Variants in GCM1 observed in about 807,000 individuals in gnomAD.
GCM1 encodes chorion-specific transcription factor GCMa.
Under a neutral mutation model 25.7 loss-of-function variants are expected in GCM1, and 2 were observed. The observed-to-expected ratio is 0.08, with a 90% CI of 0.03 to 0.24. The LOEUF is 0.24. Ranked by LOEUF, GCM1 falls within the 10% of genes least tolerant of loss-of-function variation. The pLI is 1.00. For missense variants in GCM1, 395 were observed against 538.7 expected (o/e 0.73, Z 2.64); for synonymous variants, 183 against 195.7 (o/e 0.94, Z 0.54).
chr6:53,139,431 G>T (rs555440486), intron 2 of GCM1, among the ~76,000 whole-genome samples: 5 of 145,712 alleles, frequency 3.4e-5, no homozygotes, highest in African/African-American at 1.3e-4. Flanking sequence ...GTAGGCTAAG[G>T]CAGAAGGTTG....
At chr6:53,137,220 G>C (rs531330885) in intron 2 of GCM1, among the ~76,000 whole-genome samples, 1 of 152,274 alleles carries the variant, frequency 6.6e-6, no homozygotes, top group African/African-American at 2.4e-5. Flanking sequence ...AGGCCAGGAT[G>C]CTGGTTGGAC....
In GCM1 at chr6:53,141,303, T is replaced by C. The variant is rs1302337743; in HGVS notation, c.75+4255A>G. Reference sequence around the variant, plus strand: ...ACATCACTGCTCACTGTTGTCAAAATTAACCCATAAACCTTGATGTATCTG... The same window carrying C: ...ACATCACTGCTCACTGTTGTCAAAACTAACCCATAAACCTTGATGTATCTG... On this transcript the variant is annotated intron_variant, in intron 2 of 5. Transcript: ENST00000259803. Among the ~76,000 whole-genome samples, 3 of 152,228 alleles carry C rather than the reference T, an allele frequency of 2.0e-5. No individual in the cohort carries two copies. The East Asian group carries it at 5.8e-4, about 29-fold the overall frequency.
chr6:53,131,027 C>T (rs534513937), intron 4 of GCM1, 96 bp from the exon 5 acceptor site: 6 of 1,185,900 alleles, frequency 5.1e-6, no homozygotes, highest in East Asian at 2.4e-5. Context: ...TGTCCTGCCC[C>T]GGGGGTGGTG....
At chr6:53,142,328 G>A (rs1763887722) in intron 2 of GCM1, among the ~76,000 whole-genome samples, 1 of 152,098 alleles carries the variant, frequency 6.6e-6, no homozygotes, top group Non-Finnish European at 1.5e-5. Context: ...CCCCTGAAGG[G>A]CTTCAGGAAA....
intron 2 of GCM1, among the ~76,000 whole-genome samples, chr6:53,138,107 C>A (rs1763824400): frequency 1.3e-5 from 2 of 151,896 alleles, no homozygotes; most frequent in African/African-American, 2.4e-5. Flanking sequence ...CATGGCGAAA[C>A]CCCATCTCTA....
intron 5 of GCM1, among the ~76,000 whole-genome samples, chr6:53,129,710 C>T (rs1763698055): frequency 6.6e-6 from 1 of 152,204 alleles, no homozygotes; most frequent in African/African-American, 2.4e-5. Flanking sequence ...TATTCTATTT[C>T]TTAGTGCTGG....
At chr6:53,148,605 C>A (rs186809892) in intron 1 of GCM1, 149 bp downstream of exon 1, 1 of 152,228 alleles carries the variant, frequency 6.6e-6, no homozygotes, top group African/African-American at 2.4e-5. Flanking sequence ...GTCAAGACTC[C>A]TTTTTTTAAA....
intron 2 of GCM1, among the ~76,000 whole-genome samples, chr6:53,141,553 G>T (rs960135108): frequency 2.0e-5 from 3 of 152,124 alleles, no homozygotes; most frequent in Admixed American, 1.3e-4. Flanking sequence ...CGGACACGGT[G>T]GCAGGTGCAA....
Position 53,134,338 on chromosome 6 carries a change from A to G in GCM1, c.76-14T>C, listed in dbSNP as rs2127508764. 1 of 1,612,086 alleles carries G rather than the reference A, an allele frequency of 6.2e-7. No homozygotes were observed. Among genetic ancestry groups the G allele is most frequent in the South Asian group, 1.1e-5 (1 of 91,058 alleles). ...TTTTTTCACGTTCTGATAGAAACAC[A>G]AAAGATACGACTATACTTTAAGCTA... On this transcript the variant is annotated splice_polypyrimidine_tract_variant and intron_variant, in intron 2 of 5. Coordinates refer to ENST00000259803, the MANE Select transcript of GCM1 (RefSeq NM_003643.4).
intron 5 of GCM1, 46 bp from the exon 6 acceptor site, chr6:53,128,992 A>C (rs1763688511): frequency 6.5e-7 from 1 of 1,529,774 alleles, no homozygotes; most frequent in Non-Finnish European, 8.9e-7. Context: ...TAAGCAAATC[A>C]AAACCACTGC....
In GCM1 at chr6:53,128,502, G is replaced by T. The variant is rs757083741; in HGVS notation, c.1015C>A (p.Gln339Lys). Residue 339 changes from glutamine to lysine, a missense_variant, in exon 6 of 6, where the codon CAG becomes AAG. Gln to Lys is a moderately conservative substitution (Grantham distance 53). Transcript: ENST00000259803. The stretch of plus-strand genomic sequence containing the variant: ...GCAGGTGGCTCCAATGGAAGCTGCT[G>T]GTAAAAGGGTTCTGAAGAGTTTTGG... The part of the protein sequence containing the change: ...PSQNSSEPFY[Q>K]QLPLEPPAAK... The T allele has an allele frequency of 1.2e-6, 2 of 1,613,918 alleles. No individual in the cohort carries two copies. The highest frequency in any genetic ancestry group is 1.7e-6 in the Non-Finnish European group (2 of 1,179,932).
intron 1 of GCM1, among the ~76,000 whole-genome samples, chr6:53,147,921 T>C: frequency 6.6e-6 from 1 of 152,140 alleles, no homozygotes; most frequent in Non-Finnish European, 1.5e-5. Context: ...TCCCTGAAAG[T>C]ATAGTCTTTA....
At position 53,128,379 on chromosome 6, in the gene GCM1, C is replaced by T; in HGVS notation, c.1138G>A (p.Ala380Thr). 1 of 1,613,694 alleles carries T rather than the reference C, an allele frequency of 6.2e-7. No homozygotes were observed. Among genetic ancestry groups the T allele is most frequent in the Non-Finnish European group, 8.5e-7 (1 of 1,179,640 alleles). The change falls in exon 6 of 6, where the codon GCA (alanine) becomes ACA (threonine). Residue 380 changes from alanine (A) to threonine (T), a missense_variant. By Grantham distance (58) the Ala-to-Thr change is moderately conservative (BLOSUM62 0). Around this residue, in one of 5 missense-constraint regions of GCM1, gnomAD observed 291 missense variants for 314.6 expected, o/e 0.92. Coordinates refer to ENST00000259803, the MANE Select transcript of GCM1 (RefSeq NM_003643.4). Reference sequence around the variant, plus strand: ...GGGTCTTCTTGAGGTGAATGGTATGCAGGAGACTGGACGTAGCTGTTAAAA... The same window carrying T: ...GGGTCTTCTTGAGGTGAATGGTATGTAGGAGACTGGACGTAGCTGTTAAAA... ...VDFNSYVQSP[A>T]YHSPQEDPFL...
At chr6:53,135,880 G>A (rs1763791229) in intron 2 of GCM1, among the ~76,000 whole-genome samples, 1 of 152,244 alleles carries the variant, frequency 6.6e-6, no homozygotes, top group Non-Finnish European at 1.5e-5. Flanking sequence ...TTCAAATTTA[G>A]AACGTGCCAA....
chr6:53,147,939 A>C, intron 1 of GCM1, among the ~76,000 whole-genome samples: 1 of 152,208 alleles, frequency 6.6e-6, no homozygotes, highest in East Asian at 1.9e-4. Context: ...TTATAAATAA[A>C]GTTCTTGACC....
chr6:53,146,380 C>T (rs992475670), intron 1 of GCM1, among the ~76,000 whole-genome samples: 1 of 151,834 alleles, frequency 6.6e-6, no homozygotes, highest in Non-Finnish European at 1.5e-5. Flanking sequence ...CCACCACGCA[C>T]AGCTGATTTT....
chr6:53,146,842 G>A (rs1763964404), intron 1 of GCM1, among the ~76,000 whole-genome samples: 1 of 152,124 alleles, frequency 6.6e-6, no homozygotes. Context: ...AGACCAGCCT[G>A]AGAAACATGC....
At chr6:53,134,486 G>A (rs755846411) in intron 2 of GCM1, among the ~76,000 whole-genome samples, 162 bp from the exon 3 acceptor site, 3 of 152,154 alleles carry the variant, frequency 2.0e-5, no homozygotes, top group Non-Finnish European at 2.9e-5. Flanking sequence ...TGGGATCAGC[G>A]AGCCCAGCAC....
chr6:53,139,183 G>A (rs1190065131), intron 2 of GCM1, among the ~76,000 whole-genome samples: 1 of 151,654 alleles, frequency 6.6e-6, no homozygotes, highest in Non-Finnish European at 1.5e-5. Flanking sequence ...ATACTTTAAA[G>A]CAAATTATAT....
Sources: gnomAD v4.1 joint callset for allele counts (sites outside exome capture counted in the v4.1 genomes callset) on GRCh38, gnomAD v4.1.1 for gene constraint, gnomAD v4.1.1 regional missense constraint, MANE v1.5 for transcripts, NCBI Gene and HGNC (gene_info 2026-07-23, HGNC 2026-07-21) for gene names.